MCCC1: variants seen among roughly 807,000 people sequenced by gnomAD.
The protein encoded by MCCC1 is methylcrotonoyl-CoA carboxylase subunit alpha, mitochondrial.
MCCC1 carries 64 observed loss-of-function variants against 83.8 expected under a neutral mutation model. That is an observed-to-expected ratio of 0.76 (90% confidence interval 0.62 to 0.94). The LOEUF (loss-of-function observed/expected upper bound fraction) is 0.94, where lower values mean the gene tolerates loss of function less well. MCCC1 is among the 40% of genes least tolerant of loss of function. The probability of loss-of-function intolerance (pLI) is 0.00; values close to 1 mark genes in which losing one functional copy is unlikely to be tolerated. For missense variants in MCCC1, 807 were observed against 904.7 expected (o/e 0.89, Z 1.39); for synonymous variants, 322 against 315.4 (o/e 1.02, Z -0.22).
chr3:183,028,066 A>G (rs1478480195), intron 14 of MCCC1, among the ~76,000 whole-genome samples: 1 of 152,226 alleles, frequency 6.6e-6, no homozygotes, highest in African/African-American at 2.4e-5. Flanking sequence ...CGAAGCTTCA[A>G]AGGACAGGCT....
intron 4 of MCCC1, among the ~76,000 whole-genome samples, chr3:183,075,583 C>G (rs1015120338): frequency 4.1e-5 from 6 of 147,602 alleles, no homozygotes; most frequent in Non-Finnish European, 8.9e-5. Context: ...CTCTGTCACC[C>G]AGGCTAGAGT....
chr3:183,047,124 G>C (rs1714615634), intron 9 of MCCC1, among the ~76,000 whole-genome samples: 1 of 152,122 alleles, frequency 6.6e-6, no homozygotes, highest in African/African-American at 2.4e-5. Flanking sequence ...AAACATTCAA[G>C]GTTTACCCTT....
intron 3 of MCCC1, among the ~76,000 whole-genome samples, chr3:183,088,461 C>T (rs1453645599): frequency 1.1e-4 from 16 of 152,114 alleles, no homozygotes; most frequent in Admixed American, 1.0e-3. Flanking sequence ...CCTGCCTGGG[C>T]CTCTCAAAGT....
rs369138447 is a variant in MCCC1 at position 183,092,415 on chromosome 3, T to G, written c.267A>C (p.Val89=). The G allele has an allele frequency of 5.6e-5, 91 of 1,614,188 alleles. 1 individual carries two copies. In the African/African-American group the frequency reaches 1.1e-3, roughly 20 times the overall value. The change falls in exon 3 of 19, where the codon GTA becomes GTC. Residue 89 remains valine (V), a synonymous_variant. Transcript: ENST00000265594. ...TCCAATTTTTAACACATACCATATCTACATGCATGGAATTTCTGTCAGCCT... is the reference window on the plus strand; with the variant it reads ...TCCAATTTTTAACACATACCATATCGACATGCATGGAATTTCTGTCAGCCT... ...YSEADRNSMH[V]DMADEAYSIG...
At position 183,041,704 on chromosome 3, in the gene MCCC1, A is replaced by T. The variant is rs1234437552; in HGVS notation, c.1130T>A (p.Leu377Gln). ...TCTAGCTTCGAAGGCATGGCCCTGC[A>T]GAGTTATTTCTTCCTGGCTCAAAGG... ...KIPLSQEEIT[L>Q]QGHAFEARIY... The change falls in exon 11 of 19, where the codon CTG becomes CAG. Residue 377 changes from leucine to glutamine, a missense_variant. Physicochemically the swap from Leu to Gln is moderately radical, Grantham distance 113. Coordinates refer to ENST00000265594, the MANE Select transcript of MCCC1 (RefSeq NM_020166.5). 2.5e-6 allele frequency: 4 copies of T among 1,614,096 alleles called. No individual in the cohort carries two copies. Among genetic ancestry groups the T allele is most frequent in the Non-Finnish European group, 3.4e-6 (4 of 1,180,036 alleles).
At chr3:183,029,939 C>G (rs898066169) in intron 14 of MCCC1, among the ~76,000 whole-genome samples, 6 of 152,250 alleles carry the variant, frequency 3.9e-5, no homozygotes, top group Admixed American at 2.6e-4. Flanking sequence ...GAGGCCCCAC[C>G]CTCTCAGTCT....
intron 10 of MCCC1, among the ~76,000 whole-genome samples, chr3:183,044,875 C>A (rs1714412546): frequency 6.6e-6 from 1 of 151,336 alleles, no homozygotes; most frequent in African/African-American, 2.4e-5. Flanking sequence ...TTTTAGGAGG[C>A]CAGAAGGTAG....
At chr3:183,024,402 T>C (rs188780417) in intron 15 of MCCC1, among the ~76,000 whole-genome samples, 1 of 152,252 alleles carries the variant, frequency 6.6e-6, no homozygotes, top group East Asian at 1.9e-4. Context: ...TGTGATTAGG[T>C]TTTACAATTT....
chr3:183,101,653 A>G (rs996469512), upstream of MCCC1, among the ~76,000 whole-genome samples: 1 of 152,248 alleles, frequency 6.6e-6, no homozygotes, highest in Admixed American at 6.5e-5. Context: ...GGGTGGGGCC[A>G]GATAAGAGAA....
At chr3:183,061,028 A>G (rs1715793721) in intron 7 of MCCC1, among the ~76,000 whole-genome samples, 1 of 152,196 alleles carries the variant, frequency 6.6e-6, no homozygotes, top group Non-Finnish European at 1.5e-5. Flanking sequence ...TCCATTCATC[A>G]GGGCAGAGCA....
At chr3:183,068,232 A>G (rs1716396995) in intron 7 of MCCC1, among the ~76,000 whole-genome samples, 1 of 152,232 alleles carries the variant, frequency 6.6e-6, no homozygotes, top group Non-Finnish European at 1.5e-5. Context: ...AAGTTAAGGC[A>G]TTTTTAATCA....
intron 3 of MCCC1, among the ~76,000 whole-genome samples, chr3:183,088,603 C>A (rs1049434029): frequency 2.0e-5 from 3 of 152,206 alleles, no homozygotes; most frequent in Non-Finnish European, 2.9e-5. Context: ...GGTACTCCCC[C>A]CATTGCAGTC....
Position 183,071,354 on chromosome 3 carries a change from T to A in MCCC1, c.495A>T (p.Thr165=). 1 of 1,614,232 alleles carries A rather than the reference T, an allele frequency of 6.2e-7. No homozygotes were observed. Among genetic ancestry groups the A allele is most frequent in the African/African-American group, 1.3e-5 (1 of 75,056 alleles). ...SAIRDMGIKS[T]SKSIMAAAGV... ...CAGCAGCAGCCATTATGGATTTGGA[T>A]GTGCTTTAGAGTGGGAAAGAAAACA... Residue 165 remains threonine (T), a synonymous_variant, in exon 6 of 19, where the codon ACA becomes ACT. Coordinates refer to ENST00000265594, the MANE Select transcript of MCCC1 (RefSeq NM_020166.5).
chr3:183,019,217 G>A (rs191475363), intron 17 of MCCC1, among the ~76,000 whole-genome samples: 1 of 152,210 alleles, frequency 6.6e-6, no homozygotes, highest in African/African-American at 2.4e-5. Flanking sequence ...TGTATTTGAG[G>A]AGACTCTACT....
intron 7 of MCCC1, among the ~76,000 whole-genome samples, chr3:183,060,738 C>T (rs998397553): frequency 3.9e-5 from 6 of 152,140 alleles, no homozygotes; most frequent in Non-Finnish European, 7.4e-5. Context: ...CCCAACCCCA[C>T]GACAGGCCCC....
At chr3:183,015,747 CAGGG>C (rs1324507748) in intron 18 of MCCC1, among the ~76,000 whole-genome samples, 181 bp from the exon 19 acceptor site, 2 of 152,066 alleles carry the variant, frequency 1.3e-5, no homozygotes, top group African/African-American at 4.8e-5. Flanking sequence ...TCACAGCACA[CAGGG>C]AGAACAGTAA....
chr3:183,058,062 C>T (rs886723749), intron 7 of MCCC1, among the ~76,000 whole-genome samples: 4 of 152,022 alleles, frequency 2.6e-5, no homozygotes, highest in South Asian at 2.1e-4. Context: ...AGTAGGGATA[C>T]GTAACAAAAA....
At chr3:183,055,403 C>A (rs1248691443) in intron 8 of MCCC1, among the ~76,000 whole-genome samples, 2 of 151,712 alleles carry the variant, frequency 1.3e-5, no homozygotes, top group African/African-American at 2.4e-5. Flanking sequence ...GAGCGAAACT[C>A]CATCTCAAAA....
chr3:183,102,894 C>A (rs1293632860), upstream of MCCC1, among the ~76,000 whole-genome samples: 1 of 145,088 alleles, frequency 6.9e-6, no homozygotes, highest in Non-Finnish European at 1.5e-5. Context: ...TCAAATGATT[C>A]TCATGGCTCA....
Sources: gnomAD v4.1 joint callset for allele counts (sites outside exome capture counted in the v4.1 genomes callset) on GRCh38, gnomAD v4.1.1 for gene constraint, MANE v1.5 for transcripts, NCBI Gene and HGNC (gene_info 2026-07-23, HGNC 2026-07-21) for gene names.